Variants in EHBP1 observed in about 807,000 individuals in gnomAD.
The protein encoded by EHBP1 is EH domain binding protein 1.
A neutral mutation model predicts 144.0 loss-of-function variants in EHBP1; 55 were observed. The ratio of observed to expected loss-of-function variants is 0.38; its 90% CI spans 0.31 to 0.48. The LOEUF (loss-of-function observed/expected upper bound fraction) is 0.48, where lower values mean the gene tolerates loss of function less well. Among genes scored for constraint, EHBP1 ranks in the 20% least tolerant of loss-of-function variants. The pLI, the probability that EHBP1 is intolerant of heterozygous loss-of-function variation, is 0.98. For missense variants in EHBP1, 1,200 were observed against 1,364.2 expected, an observed-to-expected ratio of 0.88 and a Z score of 1.90; for synonymous variants, 469 against 472.7, an observed-to-expected ratio of 0.99 and a Z score of 0.10.
chr2:62,781,721 G>T (rs1169385182), intron 5 of EHBP1, among the ~76,000 whole-genome samples: 1 of 152,114 alleles, frequency 6.6e-6, no homozygotes, highest in Non-Finnish European at 1.5e-5. Context: ...ACTTTTTAAA[G>T]AGTGGTTGAT....
At chr2:62,845,501 A>G (rs1388495097) in intron 7 of EHBP1, among the ~76,000 whole-genome samples, 1 of 152,142 alleles carries the variant, frequency 6.6e-6, no homozygotes, top group African/African-American at 2.4e-5. Context: ...GCCCTCTGAG[A>G]TTAAATTCTA....
chr2:62,930,216 T>C (rs1013778868), intron 10 of EHBP1, among the ~76,000 whole-genome samples: 3 of 152,044 alleles, frequency 2.0e-5, no homozygotes, highest in Non-Finnish European at 2.9e-5. Flanking sequence ...CTGCTGCACT[T>C]CAGCCTGGGC....
rs188563990 is a variant in EHBP1, at chr2:62,916,240, T to C, written c.1186-26478T>C. On this transcript the variant is annotated intron_variant, in intron 10 of 22. Transcript: ENST00000431489. ...TATTACTGGATCTCTGGAGGGAAAA[T>C]AACTTTCTGAACCAGAAGAAGCAAA... Among the ~76,000 whole-genome samples the C allele has an allele frequency of 4.4e-3, 672 of 151,814 alleles. 5 individuals are homozygous for C. Among genetic ancestry groups the C allele is most frequent in the Middle Eastern group, 0.01 (3 of 294 alleles).
At chr2:62,978,201 CTTTTT>C (rs1337320404) in intron 14 of EHBP1, among the ~76,000 whole-genome samples, 3 of 139,572 alleles carry the variant, frequency 2.1e-5, no homozygotes, top group African/African-American at 5.2e-5. Context: ...ATTAATAATC[CTTTTT>C]TTTTTTTTTT....
chr2:62,766,610 A>C (rs949270662), intron 4 of EHBP1, among the ~76,000 whole-genome samples: 1 of 152,120 alleles, frequency 6.6e-6, no homozygotes, highest in Non-Finnish European at 1.5e-5. Flanking sequence ...TTAAATGGGC[A>C]TGTAATGTGA....
At chr2:62,764,165 ATT>A (rs1336472537) in intron 3 of EHBP1, 99 bp from the exon 4 acceptor site, 3 of 821,576 alleles carry the variant, frequency 3.7e-6, no homozygotes, top group Non-Finnish European at 5.5e-6. Flanking sequence ...CTAACATTGC[ATT>A]TCCTGTACTT....
chr2:62,987,675 GAC>G (rs1207030632), intron 15 of EHBP1, among the ~76,000 whole-genome samples: 2 of 152,126 alleles, frequency 1.3e-5, no homozygotes, highest in African/African-American at 4.8e-5. Flanking sequence ...GTGATTCAGA[GAC>G]AGCGTGTGGC....
At chr2:62,685,182 C>G (rs1344378362) in intron 1 of EHBP1, among the ~76,000 whole-genome samples, 1 of 151,992 alleles carries the variant, frequency 6.6e-6, no homozygotes, top group Non-Finnish European at 1.5e-5. Flanking sequence ...AATGTTCTGT[C>G]ATCACAAAAA....
chr2:62,872,500 C>T (rs2050571039), intron 9 of EHBP1, among the ~76,000 whole-genome samples: 1 of 152,004 alleles, frequency 6.6e-6, no homozygotes, highest in Non-Finnish European at 1.5e-5. Flanking sequence ...AAGTATGTAA[C>T]TTGTCATTGT....
At chr2:62,692,923 T>C (rs986622749) in intron 1 of EHBP1, among the ~76,000 whole-genome samples, 2 of 152,082 alleles carry the variant, frequency 1.3e-5, no homozygotes, top group African/African-American at 2.4e-5. Context: ...TCGTTGACTG[T>C]AATCACCTCT....
At chr2:63,024,284 C>T (rs1360076507) in intron 19 of EHBP1, among the ~76,000 whole-genome samples, 1 of 152,202 alleles carries the variant, frequency 6.6e-6, no homozygotes, top group Non-Finnish European at 1.5e-5. Context: ...GTGGAGATTG[C>T]AGTGAGCCAA....
chr2:62,791,199 A>G (rs1394785015), intron 5 of EHBP1, among the ~76,000 whole-genome samples: 1 of 152,042 alleles, frequency 6.6e-6, no homozygotes, highest in Non-Finnish European at 1.5e-5. Context: ...TAAGTAGTAC[A>G]TGTATGTGAT....
intron 15 of EHBP1, among the ~76,000 whole-genome samples, chr2:62,987,346 A>G (rs894321914): frequency 6.6e-6 from 1 of 152,132 alleles, no homozygotes; most frequent in African/African-American, 2.4e-5. Flanking sequence ...TTGCTCTACC[A>G]AGATTTATTG....
intron 8 of EHBP1, among the ~76,000 whole-genome samples, chr2:62,863,098 C>T (rs879289309): frequency 6.6e-6 from 1 of 151,260 alleles, no homozygotes; most frequent in African/African-American, 2.4e-5. Flanking sequence ...GCCTGACCAA[C>T]ATGGTGAAAC....
At chr2:62,724,490 T>C (rs2036550782) in intron 2 of EHBP1, among the ~76,000 whole-genome samples, 2 of 152,248 alleles carry the variant, frequency 1.3e-5, no homozygotes, top group South Asian at 4.1e-4. Flanking sequence ...CATCTCGGCT[T>C]AATTCAGAAA....
At chr2:62,901,453 T>C (rs1165243311) in intron 10 of EHBP1, among the ~76,000 whole-genome samples, 2 of 152,070 alleles carry the variant, frequency 1.3e-5, no homozygotes, top group African/African-American at 4.8e-5. Flanking sequence ...TGCTGTTTAT[T>C]GGAATTGGGA....
intron 3 of EHBP1, among the ~76,000 whole-genome samples, chr2:62,759,955 C>G (rs767092142): frequency 6.6e-6 from 1 of 152,038 alleles, no homozygotes; most frequent in African/African-American, 2.4e-5. Flanking sequence ...GTGAAACTTA[C>G]TGATCCTCTG....
At chr2:62,936,214 T>A (rs1280993872) in intron 10 of EHBP1, among the ~76,000 whole-genome samples, 1 of 152,134 alleles carries the variant, frequency 6.6e-6, no homozygotes, top group African/African-American at 2.4e-5. Flanking sequence ...GTGGAACTTA[T>A]TAGTGAAGCC....
intron 15 of EHBP1, among the ~76,000 whole-genome samples, chr2:62,986,968 A>G (rs2059222351): frequency 6.6e-6 from 1 of 152,138 alleles, no homozygotes; most frequent in Admixed American, 6.6e-5. Flanking sequence ...CCTCACTACT[A>G]ATAAAAGTTG....
Sources: gnomAD v4.1 joint callset for allele counts (sites outside exome capture counted in the v4.1 genomes callset) on GRCh38, gnomAD v4.1.1 for gene constraint, MANE v1.5 for transcripts, NCBI Gene and HGNC (gene_info 2026-07-23, HGNC 2026-07-21) for gene names.